Variants in LRRTM4 observed in about 807,000 individuals in gnomAD.
LRRTM4 encodes the protein leucine-rich repeat transmembrane neuronal protein 4.
LRRTM4 carries 25 observed loss-of-function variants against 47.6 expected under a neutral mutation model. The observed-to-expected ratio is 0.53, with a 90% CI of 0.38 to 0.73. The LOEUF (loss-of-function observed/expected upper bound fraction) is 0.73, where lower values mean the gene tolerates loss of function less well. Ranked by LOEUF, LRRTM4 falls within the 30% of genes least tolerant of loss-of-function variation. The probability of loss-of-function intolerance (pLI) is 0.00; values close to 1 mark genes in which losing one functional copy is unlikely to be tolerated. For missense variants in LRRTM4, 638 were observed against 713.4 expected, an observed-to-expected ratio of 0.89 and a Z score of 1.20; for synonymous variants, 311 against 269.5, an observed-to-expected ratio of 1.15 and a Z score of -1.51.
At chr2:76,788,457 G>A (rs1187309015) in intron 3 of LRRTM4, among the ~76,000 whole-genome samples, 3 of 152,128 alleles carry the variant, frequency 2.0e-5, no homozygotes, top group African/African-American at 7.2e-5. Context: ...ACAAGGTCAC[G>A]TTTACTCGTA....
chr2:77,155,826 G>T (rs951891934), intron 3 of LRRTM4, among the ~76,000 whole-genome samples: 5 of 152,098 alleles, frequency 3.3e-5, no homozygotes, highest in African/African-American at 1.2e-4. Flanking sequence ...TTGTATTGCA[G>T]AGTAGAGTGA....
At chr2:76,958,527 T>TA (rs1177447264) in intron 3 of LRRTM4, among the ~76,000 whole-genome samples, 7 of 151,772 alleles carry the variant, frequency 4.6e-5, no homozygotes, top group African/African-American at 1.7e-4. Flanking sequence ...AAATACTATT[T>TA]AAAAAGTAAA....
intron 3 of LRRTM4, among the ~76,000 whole-genome samples, chr2:76,819,559 C>T (rs963776402): frequency 2.4e-4 from 36 of 151,826 alleles, no homozygotes; most frequent in African/African-American, 8.7e-4. Flanking sequence ...AGATTTCTCA[C>T]TTCATAATAT....
chr2:76,911,140 A>C (rs942325601), intron 3 of LRRTM4, among the ~76,000 whole-genome samples: 4 of 152,364 alleles, frequency 2.6e-5, no homozygotes, highest in Non-Finnish European at 4.4e-5. Flanking sequence ...TTACTCATTT[A>C]GTCATAATTG....
chr2:77,434,363 C>T (rs1675506543), intron 3 of LRRTM4, among the ~76,000 whole-genome samples: 1 of 151,884 alleles, frequency 6.6e-6, no homozygotes, highest in Non-Finnish European at 1.5e-5. Context: ...AAGAACCCAG[C>T]CACCTTTCAT....
intron 3 of LRRTM4, among the ~76,000 whole-genome samples, chr2:77,136,794 G>C (rs915659499): frequency 2.0e-5 from 3 of 152,004 alleles, no homozygotes; most frequent in African/African-American, 7.3e-5. Flanking sequence ...ACCTGAGGGA[G>C]CTGAAAACAA....
At chr2:76,931,816 A>G (rs924032989) in intron 3 of LRRTM4, among the ~76,000 whole-genome samples, 1 of 152,146 alleles carries the variant, frequency 6.6e-6, no homozygotes, top group Non-Finnish European at 1.5e-5. Context: ...TTACCTTTCA[A>G]ATGATCCAAA....
intron 3 of LRRTM4, among the ~76,000 whole-genome samples, chr2:76,884,517 C>T (rs10200209): frequency 0.069 from 10,461 of 152,070 alleles, 829 homozygotes; most frequent in African/African-American, 0.19. Context: ...GCATATACTG[C>T]ATAAACCCAT....
At chr2:77,480,423 A>G (rs1050061187) in intron 3 of LRRTM4, among the ~76,000 whole-genome samples, 1 of 152,090 alleles carries the variant, frequency 6.6e-6, no homozygotes, top group Non-Finnish European at 1.5e-5. Context: ...TCCGATTTTA[A>G]TGTGTTAGCA....
intron 3 of LRRTM4, among the ~76,000 whole-genome samples, chr2:76,815,446 G>A (rs1032858476): frequency 6.6e-6 from 1 of 152,078 alleles, no homozygotes; most frequent in African/African-American, 2.4e-5. Flanking sequence ...CTGGAAGTAT[G>A]GCTGATATCA....
rs552450160 is a variant in LRRTM4 at position 77,272,781 on chromosome 2, T to C, written c.1551+245537A>G. 1.6e-4 allele frequency among the ~76,000 whole-genome samples: 24 copies of C among 152,224 alleles called. No homozygotes were observed. The South Asian group carries it at 4.4e-3, about 28-fold the overall frequency. Reference sequence around the variant, plus strand: ...TAAAAAGATCCTGGCACCACCCTCCTTTTTTTCTTCCTCTCTTGCCATGTG... The same window carrying C: ...TAAAAAGATCCTGGCACCACCCTCCCTTTTTTCTTCCTCTCTTGCCATGTG... On this transcript the variant is annotated intron_variant, in intron 3 of 3. Coordinates refer to ENST00000409884, the MANE Select transcript of LRRTM4 (RefSeq NM_001134745.3).
chr2:77,498,448 ATCTT>A (rs2104067717), intron 3 of LRRTM4, among the ~76,000 whole-genome samples: 1 of 151,902 alleles, frequency 6.6e-6, no homozygotes, highest in South Asian at 2.1e-4. Flanking sequence ...TCTCCCTTGA[ATCTT>A]TCTTTGCAGG....
chr2:77,021,477 G>A (rs992092200), intron 3 of LRRTM4, among the ~76,000 whole-genome samples: 5 of 152,072 alleles, frequency 3.3e-5, no homozygotes, highest in African/African-American at 1.2e-4. Context: ...ACATATTTTG[G>A]TCAAAGGGAC....
At chr2:77,072,333 A>C (rs1194065180) in intron 3 of LRRTM4, among the ~76,000 whole-genome samples, 1 of 152,170 alleles carries the variant, frequency 6.6e-6, no homozygotes, top group East Asian at 1.9e-4. Context: ...ATGTCAGCAT[A>C]CTTATAAACT....
intron 3 of LRRTM4, among the ~76,000 whole-genome samples, chr2:76,950,528 T>A (rs13385651): frequency 5.3e-5 from 8 of 151,260 alleles, no homozygotes; most frequent in Admixed American, 5.3e-4. Context: ...AATTGAAAAG[T>A]TTAGGAAAAA....
At chr2:77,513,199 A>G (rs1679085906) in intron 3 of LRRTM4, among the ~76,000 whole-genome samples, 2 of 152,186 alleles carry the variant, frequency 1.3e-5, no homozygotes, top group Admixed American at 1.3e-4. Flanking sequence ...CCTCAAGCAT[A>G]AAGAAATTGT....
At chr2:77,249,795 C>T (rs538216358) in intron 3 of LRRTM4, among the ~76,000 whole-genome samples, 2 of 152,092 alleles carry the variant, frequency 1.3e-5, no homozygotes, top group African/African-American at 2.4e-5. Context: ...TACCATATGA[C>T]CTAGCTAGCA....
intron 3 of LRRTM4, among the ~76,000 whole-genome samples, chr2:76,946,176 CA>C (rs1248217016): frequency 6.6e-6 from 1 of 151,812 alleles, no homozygotes; most frequent in African/African-American, 2.4e-5. Context: ...GTAAGTATTT[CA>C]AGGAAATCAC....
At chr2:76,895,060 C>G (rs1233963579) in intron 3 of LRRTM4, among the ~76,000 whole-genome samples, 1 of 151,374 alleles carries the variant, frequency 6.6e-6, no homozygotes, top group Non-Finnish European at 1.5e-5. Flanking sequence ...CTTCGGCAAA[C>G]ATTTCAATAG....
Sources: gnomAD v4.1 joint callset for allele counts (sites outside exome capture counted in the v4.1 genomes callset) on GRCh38, gnomAD v4.1.1 for gene constraint, MANE v1.5 for transcripts, NCBI Gene and HGNC (gene_info 2026-07-23, HGNC 2026-07-21) for gene names.